Variants in SYN2 observed in about 807,000 individuals in gnomAD.
The protein encoded by SYN2 is synapsin-2.
A neutral mutation model predicts 50.9 loss-of-function variants in SYN2; 19 were observed. The ratio of observed to expected loss-of-function variants is 0.37; its 90% confidence interval spans 0.26 to 0.55. The LOEUF is 0.55. SYN2 is among the 20% of genes least tolerant of loss of function. The probability of loss-of-function intolerance (pLI) is 0.81; values close to 1 mark genes in which losing one functional copy is unlikely to be tolerated. For missense variants in SYN2, 587 were observed against 576.4 expected, an observed-to-expected ratio of 1.02 and a Z score of -0.19; for synonymous variants, 255 against 224.9, an observed-to-expected ratio of 1.13 and a Z score of -1.20.
intron 1 of SYN2, among the ~76,000 whole-genome samples, chr3:12,086,959 TAA>T (rs1695714103): frequency 6.6e-6 from 1 of 152,152 alleles, no homozygotes. Context: ...TTAAAAATCC[TAA>T]AGACTCCACC....
chr3:12,159,023 G>A, intron 5 of SYN2: 1 of 806,016 alleles, frequency 1.2e-6, no homozygotes, highest in Non-Finnish European at 1.8e-6. Flanking sequence ...CAGGACCCGA[G>A]GCTCTTCCGA....
chr3:12,020,409 T>C (rs1281152688), intron 1 of SYN2, among the ~76,000 whole-genome samples: 4 of 148,420 alleles, frequency 2.7e-5, no homozygotes, highest in South Asian at 2.2e-4. Context: ...TGTAGTGATA[T>C]GGAAGGTTCC....
rs367795758 is a variant in SYN2, at chr3:12,158,699, C to T, written c.775-2847C>T. The T allele has an allele frequency of 3.4e-5, 54 of 1,610,196 alleles. No individual in the cohort carries two copies. The African/African-American group carries it at 6.8e-4, about 20-fold the overall frequency. ...CTGTGGACCTCGCGGACCTCGGACT[C>T]ACCAAGTGCCGAGTGGCAGATGTGC... On this transcript the variant is annotated intron_variant, in intron 5 of 12. Transcript: ENST00000621198.
intron 5 of SYN2, chr3:12,158,672 T>C (rs1559445890): frequency 6.2e-7 from 1 of 1,608,074 alleles, no homozygotes; most frequent in African/African-American, 1.3e-5. Flanking sequence ...AACCACCCCC[T>C]GCTGTGGACC....
rs970518493 is a variant in SYN2 at position 12,191,603 on chromosome 3, A to G, written c.*978A>G. ...GTGTTTGAGAATGTGTCTGTCCTTTACATACCACTTCTGGGCCTCCTCGCA... is the reference window on the plus strand; with the variant it reads ...GTGTTTGAGAATGTGTCTGTCCTTTGCATACCACTTCTGGGCCTCCTCGCA... On this transcript the variant is annotated 3_prime_UTR_variant, in exon 13 of 13. Coordinates refer to ENST00000621198, the MANE Select transcript of SYN2 (RefSeq NM_133625.6). 3.9e-5 allele frequency among the ~76,000 whole-genome samples: 6 copies of G among 152,082 alleles called. No individual in the cohort carries two copies. The South Asian group carries it at 1.2e-3, about 32-fold the overall frequency.
At chr3:12,184,174 G>C (rs888369664) in intron 11 of SYN2, 2 of 985,732 alleles carry the variant, frequency 2.0e-6, no homozygotes, top group African/African-American at 1.7e-5. Flanking sequence ...TTACATCCCA[G>C]TGTACCCTTT....
intron 1 of SYN2, among the ~76,000 whole-genome samples, chr3:12,088,644 T>C (rs1442052550): frequency 3.6e-5 from 5 of 137,082 alleles, no homozygotes; most frequent in African/African-American, 1.3e-4. Context: ...TCTAAGTGTT[T>C]GTTAACCAAT....
chr3:12,049,526 A>AC (rs199871667), intron 1 of SYN2, among the ~76,000 whole-genome samples: 1 of 141,790 alleles, frequency 7.1e-6, no homozygotes, highest in African/African-American at 3.0e-5. Context: ...CTCAAAAAAA[A>AC]AAAAATAATA....
chr3:12,070,658 C>T, intron 1 of SYN2: 1 of 1,286,720 alleles, frequency 7.8e-7, no homozygotes, highest in Non-Finnish European at 1.1e-6. Flanking sequence ...CCATGCTGTC[C>T]CTCTATGCCT....
At chr3:12,126,794 C>A (rs546503209) in intron 1 of SYN2, among the ~76,000 whole-genome samples, 1 of 152,302 alleles carries the variant, frequency 6.6e-6, no homozygotes, top group Admixed American at 6.5e-5. Context: ...GTGGTTAGCA[C>A]AGGTACTAGT....
At chr3:12,160,042 C>CA (rs3079818) in intron 5 of SYN2, among the ~76,000 whole-genome samples, 10,075 of 66,942 alleles carry the variant, frequency 0.15, 944 homozygotes, top group Middle Eastern at 0.17. Context: ...GACTCCGTCT[C>CA]AAAAAAAAAA....
intron 10 of SYN2, among the ~76,000 whole-genome samples, chr3:12,181,699 CAGAGAAGATAG>C (rs1698224869): frequency 2.0e-5 from 3 of 152,110 alleles, no homozygotes; most frequent in Non-Finnish European, 4.4e-5. Flanking sequence ...TAGGTAGCCC[CAGAGAAGATAG>C]ATTGGAAAGA....
chr3:12,082,220 G>T (rs1695598166), intron 1 of SYN2, among the ~76,000 whole-genome samples: 1 of 152,316 alleles, frequency 6.6e-6, no homozygotes, highest in African/African-American at 2.4e-5. Flanking sequence ...CTCCTAAGTT[G>T]TGACAAGGGT....
intron 9 of SYN2, 59 bp from the exon 10 acceptor site, chr3:12,169,698 G>A (rs1697893035): frequency 6.3e-7 from 1 of 1,593,242 alleles, no homozygotes; most frequent in Non-Finnish European, 8.6e-7. Context: ...CTGAAAGATT[G>A]TACCAGGCCA....
At chr3:12,155,155 C>A (rs758887720) in intron 5 of SYN2, among the ~76,000 whole-genome samples, 7 of 152,164 alleles carry the variant, frequency 4.6e-5, no homozygotes, top group Non-Finnish European at 8.8e-5. Flanking sequence ...TCTTTTAGAA[C>A]CTCAGTCGCT....
chr3:12,176,785 TC>T (rs1239144138), intron 10 of SYN2, among the ~76,000 whole-genome samples: 1 of 152,226 alleles, frequency 6.6e-6, no homozygotes. Flanking sequence ...TTAATTAATA[TC>T]TTTAGCTCTC....
At chr3:12,138,123 A>T (rs1696940164) in intron 1 of SYN2, among the ~76,000 whole-genome samples, 1 of 152,170 alleles carries the variant, frequency 6.6e-6, no homozygotes, top group Non-Finnish European at 1.5e-5. Flanking sequence ...TTTTCATGAA[A>T]ATACCTAGAA....
At chr3:12,131,105 G>C (rs768388747) in intron 1 of SYN2, among the ~76,000 whole-genome samples, 1 of 152,234 alleles carries the variant, frequency 6.6e-6, no homozygotes, top group Admixed American at 6.5e-5. Context: ...GAGACAAGTA[G>C]GGGCTGGGAT....
chr3:12,125,710 C>G (rs1005942491), intron 1 of SYN2, among the ~76,000 whole-genome samples: 3 of 152,044 alleles, frequency 2.0e-5, no homozygotes, highest in East Asian at 3.9e-4. Context: ...GGGCCCTGTT[C>G]ACTGTCCCAG....
Sources: gnomAD v4.1 joint callset for allele counts (sites outside exome capture counted in the v4.1 genomes callset) on GRCh38, gnomAD v4.1.1 for gene constraint, MANE v1.5 for transcripts, NCBI Gene and HGNC (gene_info 2026-07-23, HGNC 2026-07-21) for gene names.